Variants in OPTN observed in about 807,000 individuals in gnomAD.
OPTN encodes optineurin, also known as E3-14.7K-interacting protein.
Under a neutral mutation model 70.4 loss-of-function variants are expected in OPTN, and 54 were observed. The ratio of observed to expected loss-of-function variants is 0.77; its 90% confidence interval spans 0.62 to 0.96. The LOEUF is 0.96. Among genes scored for constraint, OPTN ranks in the 40% least tolerant of loss-of-function variants. OPTN has a pLI of 0.00. For missense variants in OPTN, 624 were observed against 673.2 expected (o/e 0.93, Z 0.81); for synonymous variants, 256 against 248.5 (o/e 1.03, Z -0.28).
chr10:13,117,717 G>A (rs1367864690), intron 6 of OPTN, among the ~76,000 whole-genome samples: 1 of 152,142 alleles, frequency 6.6e-6, no homozygotes, highest in African/African-American at 2.4e-5. Context: ...AAAGCGCTGG[G>A]ATTACAGGCG....
chr10:13,100,816 A>G (rs1279140743), intron 1 of OPTN, among the ~76,000 whole-genome samples: 2 of 152,152 alleles, frequency 1.3e-5, no homozygotes, highest in Non-Finnish European at 2.9e-5. Flanking sequence ...GAGAACCCCA[A>G]AGGAATTGTT....
At chr10:13,114,800 A>AATTATATATACG (rs1554768941) in intron 5 of OPTN, among the ~76,000 whole-genome samples, 2 of 17,710 alleles carry the variant, frequency 1.1e-4, no homozygotes, top group African/African-American at 2.3e-4. Flanking sequence ...ATAATTATAT[A>AATTATATATACG]TACATATATA....
At position 13,109,270 on chromosome 10, in the gene OPTN, G is replaced by T; in HGVS notation, c.148G>T (p.Glu50Ter). 2.5e-6 allele frequency: 4 copies of T among 1,613,946 alleles called. No individual in the cohort carries two copies. The highest frequency in any genetic ancestry group is 3.4e-6 in the Non-Finnish European group (4 of 1,179,942). ...GCAGCAGATGAAAGAGCTCCTGACC[G>T]AGAACCACCAGCTGAAAGGTGAGCA... ...LLQQMKELLT[E>*]NHQLKEAMKL... The change falls in exon 3 of 15, where the codon GAG becomes TAG. Residue 50 changes from glutamate to a stop codon, truncating the protein, a stop_gained. Coordinates refer to ENST00000378747, the MANE Select transcript of OPTN (RefSeq NM_001008212.2). LOFTEE classifies it high-confidence loss of function.
chr10:13,114,627 A>G (rs1389992471), intron 5 of OPTN, among the ~76,000 whole-genome samples: 2 of 149,034 alleles, frequency 1.3e-5, no homozygotes, highest in African/African-American at 4.9e-5. Flanking sequence ...TAGAACCCCC[A>G]TGGCCCCAAG....
chr10:13,114,830 T>TTATATAACGTA lies in OPTN; in HGVS notation c.553-1430_553-1429insCGTATATATAA, dbSNP rs1554768973. On this transcript the variant is annotated intron_variant, in intron 5 of 14. Coordinates refer to ENST00000378747, the MANE Select transcript of OPTN (RefSeq NM_001008212.2). ...TATATATAATTATATAATTATATAATTATATAATTATATAATTGTATAATA... is the reference window on the plus strand; with the variant it reads ...TATATATAATTATATAATTATATAATTATATAACGTATATATAATTATATAATTGTATAATA... Among the ~76,000 whole-genome samples the TTATATAACGTA allele has an allele frequency of 2.6e-3, 275 of 104,708 alleles. 33 individuals are homozygous for TTATATAACGTA. Among genetic ancestry groups the TTATATAACGTA allele is most frequent in the African/African-American group, 0.011 (266 of 24,522 alleles). The allele number at this position is 104,708 out of a possible 152,430, so 68.7% of individuals were successfully genotyped here.
At chr10:13,106,393 G>A (rs1832865661) in intron 1 of OPTN, among the ~76,000 whole-genome samples, 2 of 152,228 alleles carry the variant, frequency 1.3e-5, no homozygotes, top group Non-Finnish European at 2.9e-5. Flanking sequence ...GTCACCTAAT[G>A]CTAAGCTATG....
At chr10:13,131,994 C>G in intron 12 of OPTN, 73 bp from the exon 13 acceptor site, 1 of 1,486,886 alleles carries the variant, frequency 6.7e-7, no homozygotes. Flanking sequence ...GCACTACCTC[C>G]TCATCGCATA....
rs1833714928 is a variant in OPTN, at chr10:13,136,977, T to A, written c.*111T>A. ...CTCAAATATTTTGCCTCATTATTCT[T>A]GTTTTAAAAGAAAGAAAACAGGCCG... On this transcript the variant is annotated 3_prime_UTR_variant, in exon 15 of 15. Coordinates refer to ENST00000378747, the MANE Select transcript of OPTN (RefSeq NM_001008212.2). The A allele has an allele frequency of 6.8e-7, 1 of 1,460,832 alleles. No homozygotes were observed. 90.5% of individuals were successfully genotyped at this position (1,460,832 alleles called of 1,614,324 possible). A position where few individuals can be genotyped will look rare whatever the true frequency, so the allele number is the denominator to read the frequency against.
chr10:13,115,080 T>G (rs1422677657), intron 5 of OPTN, among the ~76,000 whole-genome samples: 5 of 35,118 alleles, frequency 1.4e-4, no homozygotes, highest in Non-Finnish European at 2.1e-4. Flanking sequence ...TTTATATATA[T>G]AGATATATCT....
At chr10:13,122,677 T>C (rs999778695) in intron 8 of OPTN, among the ~76,000 whole-genome samples, 190 bp downstream of exon 8, 2 of 152,188 alleles carry the variant, frequency 1.3e-5, no homozygotes, top group Non-Finnish European at 2.9e-5. Context: ...GATGTATTTC[T>C]TTTTTGTTGT....
rs1832936984 is a variant in OPTN, at chr10:13,109,147, C to T, written c.25C>T (p.Leu9Phe). Residue 9 changes from leucine (L) to phenylalanine (F), a missense_variant, in exon 3 of 15, where the codon CTC becomes TTC. Transcript: ENST00000378747. Reference sequence around the variant, plus strand: ...AATGTCCCATCAACCTCTCAGCTGCCTCACTGAAAAGGAGGACAGCCCCAG... The same window carrying T: ...AATGTCCCATCAACCTCTCAGCTGCTTCACTGAAAAGGAGGACAGCCCCAG... The part of the protein sequence containing the change: MSHQPLSC[L>F]TEKEDSPSES... 1 of 1,613,944 alleles carries T rather than the reference C, an allele frequency of 6.2e-7. No individual in the cohort carries two copies. Among genetic ancestry groups the T allele is most frequent in the South Asian group, 1.1e-5 (1 of 91,082 alleles).
chr10:13,106,889 C>A (rs1231706685), intron 1 of OPTN, among the ~76,000 whole-genome samples: 1 of 152,160 alleles, frequency 6.6e-6, no homozygotes, highest in Non-Finnish European at 1.5e-5. Flanking sequence ...ACTCAGGGTT[C>A]ACACAGGCTC....
intron 3 of OPTN, among the ~76,000 whole-genome samples, chr10:13,109,831 AC>A (rs1265867016): frequency 2.1e-5 from 1 of 47,492 alleles, no homozygotes; most frequent in African/African-American, 7.7e-5. Context: ...AGAGACCCTG[AC>A]TCAAAAAAAA....
At chr10:13,114,786 TTATATAATTATATATACATA>T (rs1564358685) in intron 5 of OPTN, among the ~76,000 whole-genome samples, 3 of 103,700 alleles carry the variant, frequency 2.9e-5, no homozygotes, top group African/African-American at 3.9e-5. Flanking sequence ...AATTATATAA[TTATATAATTATATATACATA>T]TATATAATTA....
chr10:13,119,099 A>G, intron 7 of OPTN, 59 bp downstream of exon 7: 1 of 1,456,852 alleles, frequency 6.9e-7, no homozygotes, highest in Non-Finnish European at 9.6e-7. Flanking sequence ...CTGAGATATA[A>G]TTAAGATACC....
At chr10:13,119,806 T>C (rs948600330) in intron 7 of OPTN, among the ~76,000 whole-genome samples, 5 of 152,196 alleles carry the variant, frequency 3.3e-5, no homozygotes, top group Non-Finnish European at 5.9e-5. Context: ...GTGACAGCGA[T>C]GTTGAGCATC....
Position 13,137,038 on chromosome 10 carries a change from G to A in OPTN, c.*172G>A. The A allele has an allele frequency of 5.1e-6, 4 of 788,574 alleles. No homozygotes were observed. In the South Asian group the frequency reaches 6.1e-5, roughly 12 times the overall value. 48.8% of individuals were successfully genotyped at this position (788,574 alleles called of 1,614,324 possible). A position where few individuals can be genotyped will look rare whatever the true frequency, so the allele number is the denominator to read the frequency against. On this transcript the variant is annotated 3_prime_UTR_variant, in exon 15 of 15. Coordinates refer to ENST00000378747, the MANE Select transcript of OPTN (RefSeq NM_001008212.2). ...CTCATGCCTGTAATCCCAGCACTTT[G>A]GGAGGTCGAGGTGGGTGGATCACTT... is the stretch of plus-strand genomic sequence containing the variant.
intron 14 of OPTN, among the ~76,000 whole-genome samples, 194 bp from the exon 15 acceptor site, chr10:13,136,551 G>A (rs1373024653): frequency 2.0e-5 from 3 of 149,706 alleles, no homozygotes; most frequent in Non-Finnish European, 4.4e-5. Context: ...TAGGGAAGCA[G>A]GTATCACTTG....
chr10:13,133,865 G>A (rs1018473321), intron 14 of OPTN, among the ~76,000 whole-genome samples: 1 of 152,088 alleles, frequency 6.6e-6, no homozygotes, highest in African/African-American at 2.4e-5. Context: ...CTGGAGTGCA[G>A]TGGCGAGATC....
Sources: allele counts gnomAD v4.1 joint callset (sites outside exome capture counted in the v4.1 genomes callset), GRCh38; gene constraint gnomAD v4.1.1; transcripts MANE v1.5; gene names NCBI Gene and HGNC (gene_info 2026-07-23, HGNC 2026-07-21).